NAMPT: variants seen among roughly 807,000 people sequenced by gnomAD.
The protein encoded by NAMPT is nicotinamide phosphoribosyltransferase, also known as NAmPRTase.
Under a neutral mutation model 58.7 loss-of-function variants are expected in NAMPT, and 7 were observed. The ratio of observed to expected loss-of-function variants is 0.12; its 90% confidence interval spans 0.07 to 0.22. The LOEUF (loss-of-function observed/expected upper bound fraction) is 0.22, where lower values mean the gene tolerates loss of function less well. NAMPT is among the 10% of genes least tolerant of loss of function. NAMPT has a pLI of 1.00. For synonymous variants in NAMPT, 145 were observed against 198.1 expected (o/e 0.73, Z 2.25); for missense variants, 271 against 567.9 (o/e 0.48, Z 5.31).
intron 4 of NAMPT, 149 bp from the exon 5 acceptor site, chr7:106,269,461 G>A (rs1792489315): frequency 1.4e-6 from 1 of 705,756 alleles, no homozygotes; most frequent in South Asian, 1.9e-5. Context: ...GATGCCTGCT[G>A]TGTGCATTCC....
intron 1 of NAMPT, among the ~76,000 whole-genome samples, chr7:106,281,012 A>T (rs1792753416): frequency 6.6e-6 from 1 of 150,968 alleles, no homozygotes; most frequent in East Asian, 1.9e-4. Context: ...TTGTGTGATT[A>T]ATTTACTTCA....
chr7:106,253,014 T>A lies in NAMPT; in HGVS notation c.1365+3A>T, dbSNP rs768691703. The A allele has an allele frequency of 6.2e-7, 1 of 1,613,070 alleles. No homozygotes were observed. Among genetic ancestry groups the A allele is most frequent in the Non-Finnish European group, 8.5e-7 (1 of 1,179,236 alleles). ...AAAAAAACCAATCAGCATAGATACA[T>A]ACCTGACCATATTCCTCAAGGTCTC... On this transcript the variant is annotated splice_donor_region_variant and intron_variant, in intron 10 of 10. Coordinates refer to ENST00000222553, the MANE Select transcript of NAMPT (RefSeq NM_005746.3).
intron 4 of NAMPT, among the ~76,000 whole-genome samples, chr7:106,269,829 C>T (rs1792498208): frequency 6.6e-6 from 1 of 152,112 alleles, no homozygotes; most frequent in Non-Finnish European, 1.5e-5. Flanking sequence ...AGAAGTTGTT[C>T]GTTTACTCCT....
intron 3 of NAMPT, among the ~76,000 whole-genome samples, chr7:106,274,333 T>A (rs1792592814): frequency 6.6e-6 from 1 of 152,020 alleles, no homozygotes; most frequent in African/African-American, 2.4e-5. Context: ...TCAAAAATGT[T>A]ATTTAAGTTA....
intron 8 of NAMPT, among the ~76,000 whole-genome samples, chr7:106,257,697 C>A (rs568093124): frequency 6.6e-6 from 1 of 151,992 alleles, no homozygotes; most frequent in South Asian, 2.1e-4. Context: ...GAAAAGAAAG[C>A]CGAAGAGCTT....
At chr7:106,264,924 A>T (rs1792382229) in intron 6 of NAMPT, among the ~76,000 whole-genome samples, 1 of 151,702 alleles carries the variant, frequency 6.6e-6, no homozygotes, top group South Asian at 2.1e-4. Flanking sequence ...CTTTCCCCAT[A>T]CTGTCAATGG....
rs1470158072 is a variant in NAMPT, at chr7:106,248,472, A to C, written c.*2611T>G. 1 of 152,554 alleles carries C rather than the reference A, an allele frequency of 6.6e-6. No homozygotes were observed. Among genetic ancestry groups the C allele is most frequent in the African/African-American group, 2.4e-5 (1 of 41,446 alleles). The allele number at this position is 152,554 out of a possible 1,614,324, so 9.5% of individuals were successfully genotyped here. ...TAAGTGTGAGTTCTAAATTATGGCA[A>C]ACAGAACAATAAATACCTTGCCATT... On this transcript the variant is annotated 3_prime_UTR_variant, in exon 11 of 11. Transcript: ENST00000222553.
At position 106,253,168 on chromosome 7, in the gene NAMPT, G is replaced by C. The variant is rs1172777795; in HGVS notation, c.1231-17C>G. On this transcript the variant is annotated splice_polypyrimidine_tract_variant and intron_variant, in intron 9 of 10. Coordinates refer to ENST00000222553, the MANE Select transcript of NAMPT (RefSeq NM_005746.3). ...GACGTTAATCTGAAATCCAAATTAA[G>C]AAAGTTAGACAAGTAGAAGACTAAT... 1.2e-6 allele frequency: 2 copies of C among 1,609,256 alleles called. No homozygotes were observed.
chr7:106,280,056 G>C (rs1200691618), intron 1 of NAMPT, among the ~76,000 whole-genome samples: 1 of 152,156 alleles, frequency 6.6e-6, no homozygotes. Flanking sequence ...TTTATACCAA[G>C]TGCAATGGGA....
At chr7:106,256,170 A>T (rs891164629) in intron 8 of NAMPT, among the ~76,000 whole-genome samples, 2 of 152,248 alleles carry the variant, frequency 1.3e-5, no homozygotes, top group African/African-American at 4.8e-5. Flanking sequence ...TAGAAGTTTC[A>T]ATGATACCCA....
chr7:106,270,666 G>C (rs1021024973), intron 4 of NAMPT, among the ~76,000 whole-genome samples: 29 of 152,266 alleles, frequency 1.9e-4, no homozygotes, highest in African/African-American at 6.7e-4. Context: ...CATTCTCTTA[G>C]AACCCCAAGA....
chr7:106,263,716 C>A (rs1258866712), intron 6 of NAMPT, 99 bp from the exon 7 acceptor site: 2 of 882,650 alleles, frequency 2.3e-6, no homozygotes, highest in Admixed American at 4.2e-5. Flanking sequence ...ACCAAACCAT[C>A]AACATCACAG....
chr7:106,285,701 G>T, upstream of NAMPT: 1 of 536,844 alleles, frequency 1.9e-6, no homozygotes, highest in Non-Finnish European at 2.4e-6. Flanking sequence ...TCCTCCGGCG[G>T]CTCTGTCTAT....
chr7:106,261,725 C>T lies in NAMPT; in HGVS notation c.970-18G>A. On this transcript the variant is annotated intron_variant, in intron 7 of 10. Transcript: ENST00000222553. The stretch of plus-strand genomic sequence containing the variant: ...TCCAAAACCTATATGGAAAAATACA[C>T]ATGCAACACAAATAACTAAAGCTGA... 1 of 1,598,022 alleles carries T rather than the reference C, an allele frequency of 6.3e-7. No individual in the cohort carries two copies. The highest frequency in any genetic ancestry group is 2.2e-5 in the East Asian group (1 of 44,646).
At chr7:106,282,625 G>C (rs138487510) in intron 1 of NAMPT, among the ~76,000 whole-genome samples, 1 of 152,282 alleles carries the variant, frequency 6.6e-6, no homozygotes, top group Non-Finnish European at 1.5e-5. Context: ...TGCTCCTTTG[G>C]TCCAAATAGT....
chr7:106,270,378 C>CTGAA (rs1792509883), intron 4 of NAMPT: 3 of 298,684 alleles, frequency 1.0e-5, no homozygotes, highest in Non-Finnish European at 2.2e-5. Flanking sequence ...CAAGCTTTTA[C>CTGAA]TGAATACCAG....
intron 8 of NAMPT, among the ~76,000 whole-genome samples, chr7:106,258,944 C>T (rs749948407): frequency 7.2e-5 from 11 of 152,148 alleles, no homozygotes; most frequent in South Asian, 2.1e-4. Flanking sequence ...CTGTAGCTTG[C>T]GATGCTGTTT....
chr7:106,285,299 G>T, upstream of NAMPT: 1 of 644,874 alleles, frequency 1.6e-6, no homozygotes, highest in Non-Finnish European at 2.0e-6. Context: ...CAGCCCCGGC[G>T]CGTGACCCGG....
chr7:106,265,770 T>A (rs1476652947), intron 6 of NAMPT, among the ~76,000 whole-genome samples: 1 of 152,168 alleles, frequency 6.6e-6, no homozygotes, highest in Non-Finnish European at 1.5e-5. Flanking sequence ...ATGTGATATA[T>A]GAAGATCATA....
Sources: allele counts gnomAD v4.1 joint callset (sites outside exome capture counted in the v4.1 genomes callset), GRCh38; gene constraint gnomAD v4.1.1; transcripts MANE v1.5; gene names NCBI Gene and HGNC (gene_info 2026-07-23, HGNC 2026-07-21).